CEP128: variants seen among roughly 807,000 people sequenced by gnomAD.
CEP128 encodes centrosomal protein 128kDa.
In CEP128, 132 loss-of-function variants were observed where a neutral mutation model predicts 156.7. The ratio of observed to expected loss-of-function variants is 0.84; its 90% CI spans 0.73 to 0.97. The LOEUF is 0.97. Ranked by LOEUF, CEP128 falls within the 50% of genes least tolerant of loss-of-function variation. The pLI is 0.00. For missense variants in CEP128, 1,252 were observed against 1,281.9 expected (o/e 0.98, Z 0.36); for synonymous variants, 469 against 448.9 (o/e 1.04, Z -0.57).
In CEP128 at chr14:80,650,549, C is replaced by T. The variant is rs374128533; in HGVS notation, c.2807-70126G>A. ...TGCCCATTCAGTACGATATTGGCTG[C>T]GGGTGTGTCATAAATAGCTCTTATT... On this transcript the variant is annotated intron_variant, in intron 19 of 24. Transcript: ENST00000555265. Among the ~76,000 whole-genome samples, 11 of 152,048 alleles carry T rather than the reference C, an allele frequency of 7.2e-5. 1 individual carries two copies. The highest frequency in any genetic ancestry group is 3.9e-4 in the Admixed American group (6 of 15,252).
chr14:80,689,513 A>G (rs1377139623), intron 19 of CEP128, among the ~76,000 whole-genome samples: 1 of 152,218 alleles, frequency 6.6e-6, no homozygotes, highest in Non-Finnish European at 1.5e-5. Context: ...AACTACTAGC[A>G]TTAATATTTT....
intron 19 of CEP128, among the ~76,000 whole-genome samples, chr14:80,683,680 C>A (rs1417754441): frequency 6.6e-6 from 1 of 152,130 alleles, no homozygotes; most frequent in Non-Finnish European, 1.5e-5. Context: ...CTCTTCTGCA[C>A]ATGAAACACA....
At chr14:80,560,580 CTG>C (rs1890627125) in intron 20 of CEP128, among the ~76,000 whole-genome samples, 1 of 152,112 alleles carries the variant, frequency 6.6e-6, no homozygotes, top group African/African-American at 2.4e-5. Context: ...CTGGGTGTGT[CTG>C]TGGGGTGTTA....
At chr14:80,879,271 A>G (rs142307558) in intron 8 of CEP128, among the ~76,000 whole-genome samples, 52 of 152,312 alleles carry the variant, frequency 3.4e-4, no homozygotes, top group Non-Finnish European at 6.6e-4. Flanking sequence ...TAACACAGGG[A>G]CACACAAAAA....
At chr14:80,833,346 G>A (rs971672974) in intron 12 of CEP128, among the ~76,000 whole-genome samples, 1 of 151,272 alleles carries the variant, frequency 6.6e-6, no homozygotes, top group Admixed American at 6.6e-5. Flanking sequence ...ATTTGATATG[G>A]AGATATATTT....
Position 80,825,875 on chromosome 14 carries a change from A to G in CEP128, c.1209+5268T>C, listed in dbSNP as rs574030679. 1.2e-4 allele frequency among the ~76,000 whole-genome samples: 19 copies of G among 152,284 alleles called. 1 individual carries two copies. Among genetic ancestry groups the G allele is most frequent in the South Asian group, 1.0e-3 (5 of 4,820 alleles). ...GTAATCCCAGCACTTTGGAAGGCCA[A>G]GACGGGCGGATCATGAGGTCAGGAG... is the stretch of plus-strand genomic sequence containing the variant. On this transcript the variant is annotated intron_variant, in intron 13 of 24. Coordinates refer to ENST00000555265, the MANE Select transcript of CEP128 (RefSeq NM_152446.5).
At chr14:80,665,996 T>C (rs942219314) in intron 19 of CEP128, among the ~76,000 whole-genome samples, 1 of 152,098 alleles carries the variant, frequency 6.6e-6, no homozygotes, top group Non-Finnish European at 1.5e-5. Context: ...GAAAATTACC[T>C]TTGAGGTATG....
rs563692150 is a variant in CEP128 at position 80,559,049 on chromosome 14, C to G, written c.2880+230G>C. On this transcript the variant is annotated intron_variant, in intron 21 of 24. Coordinates refer to ENST00000555265, the MANE Select transcript of CEP128 (RefSeq NM_152446.5). ...TTAGTACATCTTGACATCAGAAATA[C>G]TGAGAGATGTGACCACTTAAGTATG... is the stretch of plus-strand genomic sequence containing the variant. 3.9e-5 allele frequency among the ~76,000 whole-genome samples: 6 copies of G among 152,236 alleles called. No individual in the cohort carries two copies. The East Asian group carries it at 1.2e-3, about 29-fold the overall frequency.
At chr14:80,779,221 A>G (rs996922968) in intron 15 of CEP128, among the ~76,000 whole-genome samples, 1 of 152,188 alleles carries the variant, frequency 6.6e-6, no homozygotes, top group African/African-American at 2.4e-5. Context: ...TTTTATTTTT[A>G]TAAGTTTATC....
At chr14:80,536,825 A>T (rs181573307) in intron 21 of CEP128, among the ~76,000 whole-genome samples, 1 of 152,356 alleles carries the variant, frequency 6.6e-6, no homozygotes, top group African/African-American at 2.4e-5. Flanking sequence ...GGGATATCAG[A>T]GGAGTCCTCT....
At position 80,641,903 on chromosome 14, in the gene CEP128, C is replaced by T. The variant is rs545914125; in HGVS notation, c.2807-61480G>A. On this transcript the variant is annotated intron_variant, in intron 19 of 24. Coordinates refer to ENST00000555265, the MANE Select transcript of CEP128 (RefSeq NM_152446.5). ...AGGAGATCGAGACCATCCTGGCTAA[C>T]GTGGTGAAACCCCATCTCTACTAAA... Among the ~76,000 whole-genome samples the T allele has an allele frequency of 7.9e-5, 12 of 151,860 alleles. No homozygotes were observed. The East Asian group carries it at 1.4e-3, about 17-fold the overall frequency.
chr14:80,519,083 C>T (rs1218539673), intron 23 of CEP128, among the ~76,000 whole-genome samples: 6 of 152,184 alleles, frequency 3.9e-5, no homozygotes, highest in Non-Finnish European at 8.8e-5. Context: ...TAAAAAGGAA[C>T]ATTCTTTGCA....
At chr14:80,951,034 AT>A (rs1201754027) in intron 2 of CEP128, among the ~76,000 whole-genome samples, 1 of 152,178 alleles carries the variant, frequency 6.6e-6, no homozygotes, top group Non-Finnish European at 1.5e-5. Context: ...GTTAAAAATA[AT>A]GTCAATCTAT....
In CEP128 at chr14:80,497,691, T is replaced by C. The variant is rs982098344; in HGVS notation, c.3182-109A>G. On this transcript the variant is annotated intron_variant, in intron 24 of 24. Coordinates refer to ENST00000555265, the MANE Select transcript of CEP128 (RefSeq NM_152446.5). The stretch of plus-strand genomic sequence containing the variant: ...ATGTATCATGGTATTTGATCGAGTT[T>C]TCTATAATTAAACTTCACATGGACT... 1.5e-4 allele frequency: 105 copies of C among 694,038 alleles called. 1 individual carries two copies. Among genetic ancestry groups the C allele is most frequent in the Non-Finnish European group, 2.5e-4 (102 of 404,188 alleles). 43.0% of individuals were successfully genotyped at this position (694,038 alleles called of 1,614,324 possible).
chr14:80,538,181 C>T (rs1889572339), intron 21 of CEP128, among the ~76,000 whole-genome samples: 2 of 151,778 alleles, frequency 1.3e-5, no homozygotes, highest in African/African-American at 2.4e-5. Context: ...CTCTGAGGTA[C>T]CATCAACTCT....
Position 80,497,234 on chromosome 14 carries a change from A to T in CEP128, c.*245T>A, listed in dbSNP as rs1887529437. 3.3e-6 allele frequency: 1 copy of T among 303,180 alleles called. No individual in the cohort carries two copies. Among genetic ancestry groups the T allele is most frequent in the African/African-American group, 2.2e-5 (1 of 46,264 alleles). The allele number at this position is 303,180 out of a possible 1,614,324, so 18.8% of individuals were successfully genotyped here. A position where few individuals can be genotyped will look rare whatever the true frequency, so the allele number is the denominator to read the frequency against. On this transcript the variant is annotated 3_prime_UTR_variant, in exon 25 of 25. Transcript: ENST00000555265. The stretch of plus-strand genomic sequence containing the variant: ...GGAAAATACAAAGTGAAAAAATATC[A>T]TTCTTTCTGTGCTAGTATAAGTTGC...
At chr14:80,675,056 A>G (rs1335445715) in intron 19 of CEP128, among the ~76,000 whole-genome samples, 1 of 152,104 alleles carries the variant, frequency 6.6e-6, no homozygotes, top group Non-Finnish European at 1.5e-5. Flanking sequence ...CTTTAATTGC[A>G]CAATCACCTC....
intron 19 of CEP128, among the ~76,000 whole-genome samples, chr14:80,723,727 A>G (rs1333504916): frequency 6.6e-6 from 1 of 152,144 alleles, no homozygotes; most frequent in East Asian, 1.9e-4. Flanking sequence ...TGGTGCTATT[A>G]TGTTCCTGGA....
At chr14:80,752,191 T>C (rs1350248820) in intron 18 of CEP128, among the ~76,000 whole-genome samples, 1 of 152,184 alleles carries the variant, frequency 6.6e-6, no homozygotes, top group Non-Finnish European at 1.5e-5. Context: ...GCTCCTTTAA[T>C]TACTATGCTT....
Sources: gnomAD v4.1 joint callset for allele counts (sites outside exome capture counted in the v4.1 genomes callset) on GRCh38, gnomAD v4.1.1 for gene constraint, MANE v1.5 for transcripts, NCBI Gene and HGNC (gene_info 2026-07-23, HGNC 2026-07-21) for gene names.